PIN1: variants seen among roughly 807,000 people sequenced by gnomAD.
PIN1 encodes the protein peptidyl-prolyl cis-trans isomerase NIMA-interacting 1.
Under a neutral mutation model 19.9 loss-of-function variants are expected in PIN1, and 8 were observed. That is an observed-to-expected ratio of 0.40 (90% CI 0.24 to 0.72). PIN1 has a LOEUF of 0.72. Ranked by LOEUF, PIN1 falls within the 30% of genes least tolerant of loss-of-function variation. The probability of loss-of-function intolerance (pLI) is 0.37; values close to 1 mark genes in which losing one functional copy is unlikely to be tolerated. For missense variants in PIN1, 185 were observed against 226.5 expected (o/e 0.82, Z 1.18); for synonymous variants, 86 against 90.8 (o/e 0.95, Z 0.30).
chr19:9,836,159 C>G (rs1292546514), intron 1 of PIN1: 1 of 152,302 alleles, frequency 6.6e-6, no homozygotes, highest in Non-Finnish European at 1.5e-5. Context: ...TCACTGCAAA[C>G]TCCTGAGGAG....
Position 9,849,399 on chromosome 19 carries a change from G to T in PIN1, c.*200G>T. The T allele has an allele frequency of 1.4e-6, 1 of 724,278 alleles. No homozygotes were observed. The highest frequency in any genetic ancestry group is 2.5e-5 in the East Asian group (1 of 39,224). 44.9% of individuals were successfully genotyped at this position (724,278 alleles called of 1,614,324 possible). A position where few individuals can be genotyped will look rare whatever the true frequency, so the allele number is the denominator to read the frequency against. On this transcript the variant is annotated 3_prime_UTR_variant, in exon 4 of 4. Transcript: ENST00000247970. The stretch of plus-strand genomic sequence containing the variant: ...CACTCCCTGTCCATCCCCAGTTGGG[G>T]CTGCGACCGCCAGATTCTCCCTTAA...
In PIN1 at chr19:9,848,062, G is replaced by A. The variant is rs1455339226; in HGVS notation, c.304G>A (p.Asp102Asn). ...CCAGAAGATCAAGTCGGGAGAGGAG[G>A]ACTTTGAGTCTCTGGCCTCACAGTT... ...YIQKIKSGEE[D>N]FESLASQFSD... is the part of the protein sequence containing the mutation. The change falls in exon 3 of 4, where the codon GAC (aspartate) becomes AAC (asparagine). Residue 102 changes from aspartate (D) to asparagine (N), a missense_variant. Coordinates refer to ENST00000247970, the MANE Select transcript of PIN1 (RefSeq NM_006221.4). 6.2e-7 allele frequency: 1 copy of A among 1,612,984 alleles called. No homozygotes were observed. Among genetic ancestry groups the A allele is most frequent in the Non-Finnish European group, 8.5e-7 (1 of 1,179,102 alleles).
intron 2 of PIN1, among the ~76,000 whole-genome samples, chr19:9,845,957 G>A (rs961277004): frequency 1.3e-5 from 2 of 152,236 alleles, no homozygotes; most frequent in South Asian, 4.1e-4. Context: ...TGGGGGCACC[G>A]TGCGATCCCC....
intron 1 of PIN1, 75 bp downstream of exon 1, chr19:9,835,477 C>A: frequency 9.5e-7 from 1 of 1,057,440 alleles, no homozygotes; most frequent in Non-Finnish European, 1.3e-6. Context: ...CCCTTGGGCG[C>A]GGCGGCAGCG....
At chr19:9,839,152 T>C (rs2046140972) in intron 2 of PIN1, among the ~76,000 whole-genome samples, 1 of 151,950 alleles carries the variant, frequency 6.6e-6, no homozygotes, top group South Asian at 2.1e-4. Flanking sequence ...AGTGAGTGCA[T>C]GCAGGGTGCG....
Position 9,849,606 on chromosome 19 carries a change from C to T in PIN1, c.*407C>T, listed in dbSNP as rs758497573. The T allele has an allele frequency of 1.9e-6, 1 of 535,602 alleles. No homozygotes were observed. Among genetic ancestry groups the T allele is most frequent in the East Asian group, 5.1e-5 (1 of 19,436 alleles). The allele number at this position is 535,602 out of a possible 1,614,324, so 33.2% of individuals were successfully genotyped here. ...TCCTCTGTTCAGTCGCAAAGGTGAACACTCATGCGGCCCAGCCATGGGCCC... is the reference window on the plus strand; with the variant it reads ...TCCTCTGTTCAGTCGCAAAGGTGAATACTCATGCGGCCCAGCCATGGGCCC... On this transcript the variant is annotated 3_prime_UTR_variant, in exon 4 of 4. Coordinates refer to ENST00000247970, the MANE Select transcript of PIN1 (RefSeq NM_006221.4).
At chr19:9,842,301 G>T (rs921596114) in intron 2 of PIN1, among the ~76,000 whole-genome samples, 1 of 152,282 alleles carries the variant, frequency 6.6e-6, no homozygotes, top group Middle Eastern at 3.4e-3. Context: ...GCAGAACAGC[G>T]TGGCCCACCC....
rs1333682659 is a variant in PIN1, at chr19:9,849,086, C to A, written c.383-4C>A. ...ACACCCCCACCGCCCCTCCTGGCTCCCAGGTCAGATGCAGAAGCCATTTGA... is the reference window on the plus strand; with the variant it reads ...ACACCCCCACCGCCCCTCCTGGCTCACAGGTCAGATGCAGAAGCCATTTGA... On this transcript the variant is annotated splice_polypyrimidine_tract_variant and splice_region_variant and intron_variant, in intron 3 of 3. Coordinates refer to ENST00000247970, the MANE Select transcript of PIN1 (RefSeq NM_006221.4). 1 of 1,609,352 alleles carries A rather than the reference C, an allele frequency of 6.2e-7. No homozygotes were observed. The highest frequency in any genetic ancestry group is 8.5e-7 in the Non-Finnish European group (1 of 1,176,050).
chr19:9,845,995 G>T (rs899611249), intron 2 of PIN1, among the ~76,000 whole-genome samples: 1 of 152,114 alleles, frequency 6.6e-6, no homozygotes, highest in Non-Finnish European at 1.5e-5. Flanking sequence ...CAGACAGAAG[G>T]GGGGACAGGG....
chr19:9,838,772 A>C lies in PIN1; in HGVS notation c.271+124A>C. 1.6e-5 allele frequency: 11 copies of C among 708,800 alleles called. No homozygotes were observed. Among genetic ancestry groups the C allele is most frequent in the African/African-American group, 3.5e-5 (2 of 56,590 alleles). 43.9% of individuals were successfully genotyped at this position (708,800 alleles called of 1,614,324 possible). A position where few individuals can be genotyped will look rare whatever the true frequency, so the allele number is the denominator to read the frequency against. On this transcript the variant is annotated intron_variant, in intron 2 of 3. Coordinates refer to ENST00000247970, the MANE Select transcript of PIN1 (RefSeq NM_006221.4). The surrounding 1 kb of genome is among the most constrained non-coding windows in gnomAD (Gnocchi z 5.8). ...CAGGCGTGGTGTTGGCCAACACAAA[A>C]ACGCCAGTGCATGACCTGACCCTGA...
intron 2 of PIN1, among the ~76,000 whole-genome samples, chr19:9,844,765 T>G (rs2046203049): frequency 6.6e-6 from 1 of 152,354 alleles, no homozygotes; most frequent in Middle Eastern, 3.4e-3. Context: ...AGCCTGAGTT[T>G]CAGGCAGATA....
At chr19:9,840,613 T>C (rs759948990) in intron 2 of PIN1, among the ~76,000 whole-genome samples, 3 of 152,098 alleles carry the variant, frequency 2.0e-5, no homozygotes, top group Non-Finnish European at 4.4e-5. Flanking sequence ...TTCTCCTTCT[T>C]CTTTTGAGAC....
chr19:9,848,202 A>G (rs2010457), intron 3 of PIN1, 62 bp downstream of exon 3: 321,729 of 1,001,368 alleles, frequency 0.32, 53,890 homozygotes, highest in South Asian at 0.4. Context: ...GGTAGAGGCC[A>G]GGAGGGTCTG....
rs937544561 is a variant in PIN1, at chr19:9,835,371, C to G, written c.27C>G (p.Pro9=). 2.0e-6 allele frequency: 3 copies of G among 1,517,722 alleles called. No individual in the cohort carries two copies. The highest frequency in any genetic ancestry group is 2.6e-6 in the Non-Finnish European group (3 of 1,139,242). The allele number at this position is 1,517,722 out of a possible 1,614,324, so 94.0% of individuals were successfully genotyped here. Residue 9 remains proline (P), a synonymous_variant, in exon 1 of 4, where the codon CCC becomes CCG. Transcript: ENST00000247970. ...TGGCGGACGAGGAGAAGCTGCCGCC[C>G]GGCTGGGAGAAGCGCATGAGCCGCA... is the stretch of plus-strand genomic sequence containing the variant. The part of the protein sequence containing the change: MADEEKLP[P]GWEKRMSRSS...
At chr19:9,840,781 G>A (rs550496573) in intron 2 of PIN1, among the ~76,000 whole-genome samples, 6 of 152,224 alleles carry the variant, frequency 3.9e-5, no homozygotes, top group Admixed American at 1.3e-4. Flanking sequence ...ATTTTTAGTA[G>A]AGACAGGACT....
At chr19:9,848,313 G>T in intron 3 of PIN1, 173 bp downstream of exon 3, 1 of 612,006 alleles carries the variant, frequency 1.6e-6, no homozygotes, top group Non-Finnish European at 2.9e-6. Flanking sequence ...GGCAGGGCCA[G>T]GGCCACACAG....
In PIN1 at chr19:9,835,377, G is replaced by A; in HGVS notation, c.33G>A (p.Trp11Ter). MADEEKLPPG[W>*]EKRMSRSSGR... ...ACGAGGAGAAGCTGCCGCCCGGCTGGGAGAAGCGCATGAGCCGCAGCTCAG... is the reference window on the plus strand; with the variant it reads ...ACGAGGAGAAGCTGCCGCCCGGCTGAGAGAAGCGCATGAGCCGCAGCTCAG... Residue 11 changes from tryptophan (W) to a stop codon, truncating the protein, a stop_gained, in exon 1 of 4, where the codon TGG becomes TGA. Coordinates refer to ENST00000247970, the MANE Select transcript of PIN1 (RefSeq NM_006221.4). LOFTEE classifies it high-confidence loss of function. The A allele has an allele frequency of 6.6e-7, 1 of 1,521,880 alleles. No homozygotes were observed. The highest frequency in any genetic ancestry group is 8.8e-7 in the Non-Finnish European group (1 of 1,141,688). The allele number at this position is 1,521,880 out of a possible 1,614,324, so 94.3% of individuals were successfully genotyped here.
chr19:9,841,408 G>A (rs1293117899), intron 2 of PIN1, among the ~76,000 whole-genome samples: 1 of 152,220 alleles, frequency 6.6e-6, no homozygotes, highest in Non-Finnish European at 1.5e-5. Context: ...AAGCAAGAAG[G>A]ATTCCTGGCA....
chr19:9,847,286 C>G (rs919696014), intron 2 of PIN1, among the ~76,000 whole-genome samples: 1 of 152,202 alleles, frequency 6.6e-6, no homozygotes, highest in African/African-American at 2.4e-5. Flanking sequence ...CCTCCTAACT[C>G]CACCAGCCCT....
Sources: gnomAD v4.1 joint callset for allele counts (sites outside exome capture counted in the v4.1 genomes callset) on GRCh38, gnomAD v4.1.1 for gene constraint, Gnocchi (gnomAD v3.1) non-coding constraint, MANE v1.5 for transcripts, NCBI Gene and HGNC (gene_info 2026-07-23, HGNC 2026-07-21) for gene names.